Variants in GLIS3 observed in about 807,000 individuals in gnomAD.
GLIS3 encodes the protein zinc finger protein GLIS3.
GLIS3 carries 53 observed loss-of-function variants against 78.6 expected under a neutral mutation model. That is an observed-to-expected ratio of 0.67 (90% CI 0.54 to 0.85). The LOEUF (loss-of-function observed/expected upper bound fraction) is 0.85. Among genes scored for constraint, GLIS3 ranks in the 40% least tolerant of loss-of-function variants. The probability of loss-of-function intolerance (pLI) is 0.00; values close to 1 mark genes in which losing one functional copy is unlikely to be tolerated. For synonymous variants in GLIS3, 684 were observed against 509.9 expected (o/e 1.34, Z -4.60); for missense variants, 1,703 against 1,231.1 (o/e 1.38, Z -5.74).
intron 6 of GLIS3, among the ~76,000 whole-genome samples, chr9:3,929,313 A>AT (rs1300665806): frequency 6.6e-6 from 1 of 152,152 alleles, no homozygotes; most frequent in East Asian, 1.9e-4. Flanking sequence ...AGTGAACCAA[A>AT]TTATCCCCAT....
chr9:4,291,132 C>T (rs549412273), intron 1 of GLIS3, among the ~76,000 whole-genome samples: 1 of 152,146 alleles, frequency 6.6e-6, no homozygotes, highest in Non-Finnish European at 1.5e-5. Context: ...CACTTGGGCA[C>T]TCCCAAGGCC....
intron 2 of GLIS3, among the ~76,000 whole-genome samples, chr9:4,194,100 C>T (rs774966697): frequency 6.6e-6 from 1 of 152,136 alleles, no homozygotes; most frequent in African/African-American, 2.4e-5. Flanking sequence ...CTCTGTCGCC[C>T]AGGCTGGAGT....
At chr9:3,833,932 G>A (rs926706803) in intron 9 of GLIS3, among the ~76,000 whole-genome samples, 1 of 152,046 alleles carries the variant, frequency 6.6e-6, no homozygotes, top group African/African-American at 2.4e-5. Context: ...AAACAAACTT[G>A]TTCTAATTAT....
chr9:4,406,071 T>G, the GLIS3 span, among the ~76,000 whole-genome samples: 1 of 152,166 alleles, frequency 6.6e-6, no homozygotes, highest in African/African-American at 2.4e-5. Context: ...TACCTCAACA[T>G]AATAAAAGAC....
At chr9:3,911,101 C>A (rs1409675686) in intron 6 of GLIS3, among the ~76,000 whole-genome samples, 1 of 148,424 alleles carries the variant, frequency 6.7e-6, no homozygotes, top group Non-Finnish European at 1.5e-5. Flanking sequence ...TCCTTCCTTT[C>A]TTCCTTCCTT....
At chr9:3,919,001 G>A (rs1043841835) in intron 6 of GLIS3, among the ~76,000 whole-genome samples, 2 of 152,174 alleles carry the variant, frequency 1.3e-5, no homozygotes, top group East Asian at 3.9e-4. Flanking sequence ...ATATGGAAGA[G>A]GGTGGGAAAG....
chr9:3,992,896 G>C (rs540051794), intron 4 of GLIS3, among the ~76,000 whole-genome samples: 2 of 152,248 alleles, frequency 1.3e-5, no homozygotes, highest in African/African-American at 4.8e-5. Context: ...AGTTTCGTTT[G>C]AGGTGTATGA....
intron 4 of GLIS3, among the ~76,000 whole-genome samples, chr9:3,974,016 T>C (rs2130933243): frequency 6.6e-6 from 1 of 152,322 alleles, no homozygotes; most frequent in South Asian, 2.1e-4. Context: ...TCACTTATGA[T>C]TCCTGTAAGT....
In GLIS3 at chr9:3,934,185, T is replaced by C. The variant is rs74982749; in HGVS notation, c.1873-1715A>G. ...TTAACCTGGGAATCTTTTCTGAATT[T>C]GCATAGCCTTCTTGCACTAGCCTTC... is the stretch of plus-strand genomic sequence containing the variant. On this transcript the variant is annotated intron_variant, in intron 5 of 10. Coordinates refer to ENST00000381971, the MANE Select transcript of GLIS3 (RefSeq NM_001042413.2). Among the ~76,000 whole-genome samples the C allele has an allele frequency of 2.8e-3, 419 of 152,302 alleles. 2 individuals are homozygous for C. Among genetic ancestry groups the C allele is most frequent in the African/African-American group, 9.8e-3 (409 of 41,568 alleles).
chr9:4,250,632 G>C (rs556808998), intron 2 of GLIS3, among the ~76,000 whole-genome samples: 20 of 152,068 alleles, frequency 1.3e-4, no homozygotes, highest in Non-Finnish European at 2.2e-4. Context: ...TCTGATCTTA[G>C]TTATTTCTTG....
intron 2 of GLIS3, among the ~76,000 whole-genome samples, chr9:4,285,146 T>C (rs1232421283): frequency 6.6e-6 from 1 of 152,214 alleles, no homozygotes; most frequent in Non-Finnish European, 1.5e-5. Context: ...AACATAAACA[T>C]TTAAGACGGA....
chr9:3,970,103 G>A (rs675148), intron 4 of GLIS3, among the ~76,000 whole-genome samples: 90,544 of 152,044 alleles, frequency 0.6, 27,763 homozygotes, highest in African/African-American at 0.72. Context: ...CAAAAGTCTG[G>A]CACATAAGAT....
At chr9:4,095,435 G>C (rs189000934) in intron 4 of GLIS3, among the ~76,000 whole-genome samples, 3 of 152,338 alleles carry the variant, frequency 2.0e-5, no homozygotes, top group Admixed American at 1.3e-4. Flanking sequence ...GATTGAGATT[G>C]TATTTGCTCA....
chr9:4,367,743 G>A, the GLIS3 span, among the ~76,000 whole-genome samples: 1 of 151,024 alleles, frequency 6.6e-6, no homozygotes, highest in East Asian at 2.0e-4. Flanking sequence ...TATTTATTGA[G>A]AGAATACATT....
chr9:4,281,140 A>G (rs188592115), intron 2 of GLIS3, among the ~76,000 whole-genome samples: 1 of 152,322 alleles, frequency 6.6e-6, no homozygotes, highest in Admixed American at 6.5e-5. Flanking sequence ...TTTCATTCTT[A>G]AACAACCACA....
At chr9:3,979,412 C>G (rs1349065054) in intron 4 of GLIS3, among the ~76,000 whole-genome samples, 1 of 152,236 alleles carries the variant, frequency 6.6e-6, no homozygotes, top group Non-Finnish European at 1.5e-5. Flanking sequence ...ACACTGACTT[C>G]TGCAGCATCT....
chr9:4,333,847 C>A (rs1817717807), intron 2 of GLIS3, among the ~76,000 whole-genome samples: 3 of 149,722 alleles, frequency 2.0e-5, no homozygotes, highest in East Asian at 2.0e-4. Context: ...AAGCTCCAAA[C>A]AACACTTTAC....
intron 4 of GLIS3, among the ~76,000 whole-genome samples, chr9:4,036,889 T>C (rs1179290469): frequency 4.6e-5 from 7 of 152,224 alleles, no homozygotes; most frequent in Middle Eastern, 3.4e-3. Context: ...CCAGGAGAAA[T>C]AAAGACCAGT....
At chr9:4,442,278 T>C in the GLIS3 span, among the ~76,000 whole-genome samples, 5 of 152,228 alleles carry the variant, frequency 3.3e-5, no homozygotes, top group Non-Finnish European at 7.3e-5. Context: ...TCTGTATTTT[T>C]CTGGCATCAG....
Sources: allele counts gnomAD v4.1 joint callset (sites outside exome capture counted in the v4.1 genomes callset), GRCh38; gene constraint gnomAD v4.1.1; transcripts MANE v1.5; gene names NCBI Gene and HGNC (gene_info 2026-07-23, HGNC 2026-07-21).